The following EPRS1 variants were observed in gnomAD, a reference collection of about 807,000 sequenced individuals.
The protein encoded by EPRS1 is bifunctional glutamate/proline--tRNA ligase.
EPRS1 carries 107 observed loss-of-function variants against 188.3 expected under a neutral mutation model. The ratio of observed to expected loss-of-function variants is 0.57; its 90% confidence interval spans 0.49 to 0.67. EPRS1 has a LOEUF of 0.67. Ranked by LOEUF, EPRS1 falls within the 30% of genes least tolerant of loss-of-function variation. The pLI, the probability that EPRS1 is intolerant of heterozygous loss-of-function variation, is 0.00. For synonymous variants in EPRS1, 596 were observed against 593.1 expected (o/e 1.00, Z -0.07); for missense variants, 1,577 against 1,802.2 (o/e 0.88, Z 2.26).
intron 29 of EPRS1, among the ~76,000 whole-genome samples, chr1:219,972,962 C>T (rs887398357): frequency 6.6e-6 from 1 of 152,208 alleles, no homozygotes; most frequent in Non-Finnish European, 1.5e-5. Flanking sequence ...GAAGCCCTCA[C>T]ATTTATATCT....
At chr1:220,019,109 G>A in intron 10 of EPRS1, 30 bp from the exon 11 acceptor site, 2 of 1,397,616 alleles carry the variant, frequency 1.4e-6, no homozygotes, top group Non-Finnish European at 2.0e-6. Context: ...AAGTACCAAG[G>A]AAATTTTGTA....
intron 20 of EPRS1, among the ~76,000 whole-genome samples, chr1:219,984,860 T>C (rs1044516823): frequency 2.6e-5 from 4 of 152,034 alleles, no homozygotes; most frequent in African/African-American, 7.2e-5. Flanking sequence ...CTGACCAACA[T>C]GGAGAAACCC....
At chr1:220,034,485 T>C (rs1406931322) in intron 3 of EPRS1, among the ~76,000 whole-genome samples, 1 of 152,200 alleles carries the variant, frequency 6.6e-6, no homozygotes, top group Non-Finnish European at 1.5e-5. Flanking sequence ...ACTACTGAAA[T>C]AATTAATTAA....
At chr1:220,003,687 C>T (rs943447718) in intron 16 of EPRS1, among the ~76,000 whole-genome samples, 1 of 152,198 alleles carries the variant, frequency 6.6e-6, no homozygotes, top group African/African-American at 2.4e-5. Flanking sequence ...TGAGAACCTA[C>T]TCTGTTATTT....
intron 13 of EPRS1, among the ~76,000 whole-genome samples, chr1:220,008,107 CAAAAAAAAAAAAAAAAA>C (rs55642831): frequency 1.1e-4 from 15 of 133,368 alleles, no homozygotes; most frequent in Admixed American, 2.2e-4. Context: ...ACTCCGTCAC[CAAAAAAAAAAAAAAAAA>C]AAAAAAAAAA....
chr1:219,980,232 C>G lies in EPRS1; in HGVS notation c.3564G>C (p.Gln1188His), dbSNP rs746422231. 1.9e-6 allele frequency: 3 copies of G among 1,609,504 alleles called. No homozygotes were observed. The highest frequency in any genetic ancestry group is 1.7e-5 in the Admixed American group (1 of 59,900). Residue 1188 changes from glutamine to histidine, a missense_variant, in exon 26 of 32, where the codon CAG (glutamine) becomes CAC (histidine). Physicochemically the swap from Gln to His is conservative, Grantham distance 24. This residue lies in a region of EPRS1 where 1,278 missense variants were observed against 1,457.4 expected (regional missense o/e 0.88). Coordinates refer to ENST00000366923, the MANE Select transcript of EPRS1 (RefSeq NM_004446.3). ...ATACCTGAGCATATAAGTCAAGTAT[C>G]TGCAAGACCTGTAACATTTTAAATG... ...TMEEAAEEVL[Q>H]ILDLYAQVYE...
At position 220,032,387 on chromosome 1, in the gene EPRS1, C is replaced by T. The variant is rs1220273514; in HGVS notation, c.528G>A (p.Val176=). The T allele has an allele frequency of 6.3e-7, 1 of 1,588,466 alleles. No homozygotes were observed. Among genetic ancestry groups the T allele is most frequent in the African/African-American group, 1.4e-5 (1 of 72,746 alleles). Residue 176 remains valine, a splice_region_variant and synonymous_variant, in exon 5 of 32, where the codon GTG becomes GTA. Coordinates refer to ENST00000366923, the MANE Select transcript of EPRS1 (RefSeq NM_004446.3). ...TAAAAAAAAAGAAAAAAAGGCTTAC[C>T]ACTCGAGCTTTGGTTGTTGAAACAT... The part of the protein sequence containing the change: ...KWDVSTTKAR[V]APEKKQDVGK...
At position 220,009,159 on chromosome 1, in the gene EPRS1, A is replaced by G. The variant is rs1301496183; in HGVS notation, c.1605+1787T>C. 2.6e-5 allele frequency among the ~76,000 whole-genome samples: 4 copies of G among 152,370 alleles called. No individual in the cohort carries two copies. In the East Asian group the frequency reaches 7.7e-4, roughly 29 times the overall value. Reference sequence around the variant, plus strand: ...GGTCAAAACAATCAGATATAAAGAAAGACAAAGCCAAACCAATCAACTAAA... The same window carrying G: ...GGTCAAAACAATCAGATATAAAGAAGGACAAAGCCAAACCAATCAACTAAA... On this transcript the variant is annotated intron_variant, in intron 13 of 31. Coordinates refer to ENST00000366923, the MANE Select transcript of EPRS1 (RefSeq NM_004446.3).
At chr1:219,970,750 C>T (rs1395685896) in intron 30 of EPRS1, among the ~76,000 whole-genome samples, 1 of 145,460 alleles carries the variant, frequency 6.9e-6, no homozygotes, top group African/African-American at 2.6e-5. Flanking sequence ...TGTACTCCAG[C>T]CTGGGCAACA....
intron 20 of EPRS1, 131 bp downstream of exon 20, chr1:219,987,011 T>G (rs1571662283): frequency 2.2e-6 from 2 of 925,824 alleles, no homozygotes; most frequent in Non-Finnish European, 3.3e-6. Context: ...AAATGCTATC[T>G]GCTGACATTG....
chr1:220,045,585 G>A (rs151134021), intron 1 of EPRS1, among the ~76,000 whole-genome samples: 12 of 152,114 alleles, frequency 7.9e-5, no homozygotes, highest in Admixed American at 5.2e-4. Flanking sequence ...GAAATTCTAA[G>A]CAATCTACCA....
At chr1:219,978,793 C>T in intron 27 of EPRS1, 74 bp from the exon 28 acceptor site, 1 of 1,076,512 alleles carries the variant, frequency 9.3e-7, no homozygotes, top group Admixed American at 2.4e-5. Flanking sequence ...GAAGTCGAAA[C>T]CTACCAGTGG....
intron 20 of EPRS1, among the ~76,000 whole-genome samples, chr1:219,984,682 C>A (rs1473880451): frequency 2.6e-5 from 4 of 152,182 alleles, no homozygotes; most frequent in Admixed American, 2.6e-4. Context: ...TCTGGCCTCC[C>A]AGAGTGCTGG....
chr1:220,006,207 G>C lies in EPRS1; in HGVS notation c.1849C>G (p.Leu617Val). 1.2e-6 allele frequency: 2 copies of C among 1,606,564 alleles called. No homozygotes were observed. Among genetic ancestry groups the C allele is most frequent in the South Asian group, 1.1e-5 (1 of 90,434 alleles). ...GTGACACAGATTACTGGAATAGGAA[G>C]AGCATGTGTAGTCTCTGCAAGCCAA... ...VTWLAETTHALPIPVICVTYE... is the reference protein window; with the variant it reads ...VTWLAETTHAVPIPVICVTYE... Residue 617 changes from leucine (L) to valine (V), a missense_variant, in exon 15 of 32, where the codon CTT (leucine) becomes GTT (valine). Leu to Val is a conservative substitution (Grantham distance 32). This residue lies in a region of EPRS1 where 1,278 missense variants were observed against 1,457.4 expected (regional missense o/e 0.88). Coordinates refer to ENST00000366923, the MANE Select transcript of EPRS1 (RefSeq NM_004446.3).
chr1:219,980,821 T>A lies in EPRS1; in HGVS notation c.3490A>T (p.Thr1164Ser). 6.2e-7 allele frequency: 1 copy of A among 1,613,320 alleles called. No homozygotes were observed. The highest frequency in any genetic ancestry group is 8.5e-7 in the Non-Finnish European group (1 of 1,179,682). ...CCTTCCTGCCAAAGAAATTCACGAG[T>A]ACGTAGGAAAGGCTGAGGATGCTTG... is the stretch of plus-strand genomic sequence containing the variant. ...EFKHPQPFLR[T>S]REFLWQEGHS... Residue 1164 changes from threonine to serine, a missense_variant, in exon 25 of 32, where the codon ACT (threonine) becomes TCT (serine). This residue lies in a region of EPRS1 where 1,278 missense variants were observed against 1,457.4 expected (regional missense o/e 0.88). Coordinates refer to ENST00000366923, the MANE Select transcript of EPRS1 (RefSeq NM_004446.3).
Position 219,976,081 on chromosome 1 carries a change from G to A in EPRS1, c.4083+2465C>T, listed in dbSNP as rs938547080. Among the ~76,000 whole-genome samples, 8 of 152,094 alleles carry A rather than the reference G, an allele frequency of 5.3e-5. 1 individual carries two copies. Among genetic ancestry groups the A allele is most frequent in the South Asian group, 2.1e-4 (1 of 4,820 alleles). On this transcript the variant is annotated intron_variant, in intron 28 of 31. Coordinates refer to ENST00000366923, the MANE Select transcript of EPRS1 (RefSeq NM_004446.3). ...GCAAGGAAGTGCTTAAAGAATGATG[G>A]AGAATGCCAAAAGGACACAAAAGCC... is the stretch of plus-strand genomic sequence containing the variant.
intron 17 of EPRS1, among the ~76,000 whole-genome samples, chr1:219,998,749 G>C (rs1451125018): frequency 6.6e-6 from 1 of 151,702 alleles, no homozygotes; most frequent in East Asian, 1.9e-4. Context: ...CACCATGTTG[G>C]CCAGGATGGT....
chr1:219,973,464 T>A, intron 28 of EPRS1, 66 bp from the exon 29 acceptor site: 1 of 1,139,798 alleles, frequency 8.8e-7, no homozygotes, highest in Non-Finnish European at 1.2e-6. Context: ...CAGATGTAAT[T>A]CATGGCTTTA....
rs753164503 is a variant in EPRS1 at position 220,010,971 on chromosome 1, A to G, written c.1580T>C (p.Met527Thr). 10 of 1,611,590 alleles carry G rather than the reference A, an allele frequency of 6.2e-6. No individual in the cohort carries two copies. In the South Asian group the frequency reaches 8.8e-5, roughly 14 times the overall value. The stretch of plus-strand genomic sequence containing the variant: ...CTTTGGGTGTTTGGCTACTTCTTTC[A>G]TCTCCTCCTGAGCTTCAGGTACATT... The part of the protein sequence containing the change: ...PVNVPEAQEE[M>T]KEVAKHPKNP... The change falls in exon 13 of 32, where the codon ATG becomes ACG. Residue 527 changes from methionine to threonine, a missense_variant. Transcript: ENST00000366923.
Sources: gnomAD v4.1 joint callset for allele counts (sites outside exome capture counted in the v4.1 genomes callset) on GRCh38, gnomAD v4.1.1 for gene constraint, gnomAD v4.1.1 regional missense constraint, MANE v1.5 for transcripts, NCBI Gene and HGNC (gene_info 2026-07-23, HGNC 2026-07-21) for gene names.